Variants in TUBB8 observed in about 807,000 individuals in gnomAD.
TUBB8 encodes tubulin beta 8 class VIII, also known as tubulin beta-8 chain.
A neutral mutation model predicts 33.7 loss-of-function variants in TUBB8; 25 were observed. The observed-to-expected ratio is 0.74, with a 90% CI of 0.54 to 1.04. TUBB8 has a LOEUF of 1.04. TUBB8 is among the 50% of genes least tolerant of loss of function. The pLI, the probability that TUBB8 is intolerant of heterozygous loss-of-function variation, is 0.00. For synonymous variants in TUBB8, 245 were observed against 240.1 expected (o/e 1.02, Z -0.19); for missense variants, 279 against 608.0 (o/e 0.46, Z 5.69).
chr10:52,744 G>A (rs1457621460), upstream of TUBB8, among the ~76,000 whole-genome samples: 1 of 152,178 alleles, frequency 6.6e-6, no homozygotes, highest in Non-Finnish European at 1.5e-5. Context: ...TAAATATTCT[G>A]CAATTGTAAT....
chr10:54,274 G>T (rs879962774), upstream of TUBB8, among the ~76,000 whole-genome samples: 1 of 140,810 alleles, frequency 7.1e-6, no homozygotes, highest in Non-Finnish European at 1.6e-5. Flanking sequence ...GCCCACAAAC[G>T]AGTGAGAACA....
intron 1 of TUBB8, among the ~76,000 whole-genome samples, chr10:66,938 A>G (rs1209320306): frequency 2.6e-5 from 4 of 152,238 alleles, no homozygotes; most frequent in Admixed American, 6.5e-5. Context: ...GTGCCACAGT[A>G]CTCCAGCCTG....
chr10:56,545 C>T (rs566190057), intron 1 of TUBB8, among the ~76,000 whole-genome samples: 157 of 152,314 alleles, frequency 1.0e-3, no homozygotes, highest in African/African-American at 3.2e-3. Context: ...AAAATAAATC[C>T]GGTGCTTGCA....
chr10:64,080 T>G (rs567052064), intron 1 of TUBB8, among the ~76,000 whole-genome samples: 1 of 152,282 alleles, frequency 6.6e-6, no homozygotes, highest in East Asian at 1.9e-4. Flanking sequence ...TCTCTTCCCT[T>G]TCTTTCTCTG....
chr10:70,537 A>T (rs1451603210), intron 1 of TUBB8, among the ~76,000 whole-genome samples: 1 of 152,218 alleles, frequency 6.6e-6, no homozygotes, highest in Non-Finnish European at 1.5e-5. Flanking sequence ...AACTAGAAAG[A>T]TATAAATTAG....
At chr10:46,853 C>T (rs1834335523), downstream of TUBB8, 1 of 462,506 alleles carries the variant, frequency 2.2e-6, no homozygotes, top group Non-Finnish European at 3.9e-6. Flanking sequence ...GCAGCAGTAG[C>T]CAGAGGGCCC....
chr10:67,759 T>C (rs1474095459), intron 1 of TUBB8, among the ~76,000 whole-genome samples: 2 of 152,168 alleles, frequency 1.3e-5, no homozygotes, highest in East Asian at 3.8e-4. Context: ...TTAAATTTAT[T>C]CCAAATAATA....
chr10:60,553 A>G (rs1205392920), intron 1 of TUBB8, among the ~76,000 whole-genome samples: 2 of 152,202 alleles, frequency 1.3e-5, no homozygotes, highest in Admixed American at 1.3e-4. Context: ...TTAGAATGGC[A>G]ATCATTAAAA....
intron 1 of TUBB8, among the ~76,000 whole-genome samples, chr10:58,471 A>T (rs1401542135): frequency 3.0e-4 from 46 of 152,322 alleles, no homozygotes; most frequent in African/African-American, 1.1e-3. Context: ...TTTATTTTTT[A>T]AAAAGGAGGT....
At chr10:65,889 A>C (rs1834664842) in intron 1 of TUBB8, among the ~76,000 whole-genome samples, 4 of 152,260 alleles carry the variant, frequency 2.6e-5, no homozygotes, top group Admixed American at 2.0e-4. Flanking sequence ...ACATCAAATA[A>C]ACAGAATAAA....
chr10:53,032 T>C (rs1157214694), upstream of TUBB8, among the ~76,000 whole-genome samples: 9 of 152,216 alleles, frequency 5.9e-5, no homozygotes, highest in African/African-American at 2.2e-4. Context: ...TTCTCAGGAT[T>C]GGACATAAAG....
At chr10:55,258 A>C (rs1188397891) in intron 1 of TUBB8, among the ~76,000 whole-genome samples, 1 of 152,220 alleles carries the variant, frequency 6.6e-6, no homozygotes, top group African/African-American at 2.4e-5. Flanking sequence ...ACTCATTGTC[A>C]GAAGAACAAC....
chr10:60,502 A>C (rs1554740708), intron 1 of TUBB8, among the ~76,000 whole-genome samples: 2 of 152,236 alleles, frequency 1.3e-5, no homozygotes, highest in African/African-American at 4.8e-5. Context: ...GCCATCAGAG[A>C]AATGCAAATC....
At chr10:75,115 TC>T (rs139979952), upstream of TUBB8, among the ~76,000 whole-genome samples, 18 of 147,266 alleles carry the variant, frequency 1.2e-4, no homozygotes, top group Non-Finnish European at 2.4e-4. Context: ...CCTCAGGTGA[TC>T]CCCCCACCAA....
intron 1 of TUBB8, among the ~76,000 whole-genome samples, chr10:54,714 A>G (rs10904178): frequency 0.052 from 7,920 of 152,166 alleles, 283 homozygotes; most frequent in African/African-American, 0.1. Context: ...ATTGTAGTGT[A>G]TTAGTCTGTT....
downstream of TUBB8, chr10:46,833 T>G (rs1834335169): frequency 2.2e-6 from 1 of 449,800 alleles, no homozygotes; most frequent in African/African-American, 2.1e-5. Context: ...AGGACAACTA[T>G]GCGCATCTGG....
At position 47,261 on chromosome 10, in the gene TUBB8, G is replaced by T; in HGVS notation, c.1131C>A (p.Leu377=). ...TAAACTGCTCTGAGACACGCTTGAA[G>T]AGTTCCTGGATGGCCGTATTATTCC... ...FIGNNTAIQE[L]FKRVSEQFTA... Residue 377 remains leucine, a synonymous_variant, in exon 4 of 4, where the codon CTC becomes CTA. Transcript: ENST00000568584. 6.2e-7 allele frequency: 1 copy of T among 1,613,752 alleles called. No individual in the cohort carries two copies.
chr10:54,075 T>A (rs1324392679), upstream of TUBB8, among the ~76,000 whole-genome samples: 4 of 152,212 alleles, frequency 2.6e-5, no homozygotes, highest in African/African-American at 9.6e-5. Context: ...TTTTATAAAA[T>A]GTATAAATTA....
intron 1 of TUBB8, among the ~76,000 whole-genome samples, chr10:58,371 A>C (rs368669537): frequency 1.3e-5 from 2 of 152,164 alleles, no homozygotes; most frequent in Non-Finnish European, 2.9e-5. Context: ...CCACATTTTC[A>C]GGTATTCTTA....
Sources: gnomAD v4.1 joint callset for allele counts (sites outside exome capture counted in the v4.1 genomes callset) on GRCh38, gnomAD v4.1.1 for gene constraint, MANE v1.5 for transcripts, NCBI Gene and HGNC (gene_info 2026-07-23, HGNC 2026-07-21) for gene names.